Variants in SEC24A observed in about 807,000 individuals in gnomAD.
SEC24A encodes the protein SEC24 homolog A, COPII component.
In SEC24A, 93 loss-of-function variants were observed where a neutral mutation model predicts 129.4. That is an observed-to-expected ratio of 0.72 (90% CI 0.61 to 0.85). The LOEUF (loss-of-function observed/expected upper bound fraction) is 0.85, where lower values mean the gene tolerates loss of function less well. SEC24A is among the 40% of genes least tolerant of loss of function. SEC24A has a pLI of 0.00. For missense variants in SEC24A, 1,264 were observed against 1,307.4 expected (o/e 0.97, Z 0.51); for synonymous variants, 460 against 467.3 (o/e 0.98, Z 0.20).
At chr5:134,716,879 T>A (rs1423912057) in intron 19 of SEC24A, among the ~76,000 whole-genome samples, 4 of 151,018 alleles carry the variant, frequency 2.6e-5, no homozygotes, top group Non-Finnish European at 5.9e-5. Context: ...GTAACTTTTT[T>A]ACTTTTTTTT....
rs1195103049 is a variant in SEC24A, at chr5:134,705,098, T to A, written c.2441-229T>A. Reference sequence around the variant, plus strand: ...TATATATATATATATATATTTTTTTTTTTTTAATTAATTTATTTTTTTTTA... The same window carrying A: ...TATATATATATATATATATTTTTTTATTTTTAATTAATTTATTTTTTTTTA... On this transcript the variant is annotated intron_variant, in intron 16 of 22. Coordinates refer to ENST00000398844, the MANE Select transcript of SEC24A (RefSeq NM_021982.3). Among the ~76,000 whole-genome samples, 9 of 143,976 alleles carry A rather than the reference T, an allele frequency of 6.3e-5. No homozygotes were observed. The South Asian group carries it at 6.4e-4, about 10-fold the overall frequency. The allele number at this position is 143,976 out of a possible 152,430, so 94.5% of individuals were successfully genotyped here.
intron 9 of SEC24A, among the ~76,000 whole-genome samples, chr5:134,684,338 C>G (rs140750766): frequency 6.7e-6 from 1 of 149,076 alleles, no homozygotes; most frequent in Non-Finnish European, 1.5e-5. Context: ...ATTTTTGTGT[C>G]TTTATCTGGG....
intron 1 of SEC24A, among the ~76,000 whole-genome samples, chr5:134,657,732 A>G (rs1008119906): frequency 6.6e-6 from 1 of 152,066 alleles, no homozygotes; most frequent in Non-Finnish European, 1.5e-5. Context: ...ACGTGCCACC[A>G]CAACTGGCTA....
intron 1 of SEC24A, among the ~76,000 whole-genome samples, chr5:134,653,238 C>A (rs939296995): frequency 6.6e-6 from 1 of 151,778 alleles, no homozygotes; most frequent in Non-Finnish European, 1.5e-5. Context: ...CATACCCGTT[C>A]CAGTTTCGTT....
At position 134,685,220 on chromosome 5, in the gene SEC24A, G is replaced by A. The variant is rs78960840; in HGVS notation, c.1492-1570G>A. On this transcript the variant is annotated intron_variant, in intron 9 of 22. Transcript: ENST00000398844. ...CCCAAGTCTCTGCAAAAAATTTCAG[G>A]AATTGTGGTGTGTGCTTATAGTCCC... is the stretch of plus-strand genomic sequence containing the variant. Among the ~76,000 whole-genome samples the A allele has an allele frequency of 8.4e-3, 1,275 of 152,102 alleles. 19 individuals carry two copies. Among genetic ancestry groups the A allele is most frequent in the African/African-American group, 0.028 (1,164 of 41,498 alleles).
intron 12 of SEC24A, chr5:134,693,042 G>T: frequency 6.5e-7 from 1 of 1,535,852 alleles, no homozygotes; most frequent in Non-Finnish European, 8.7e-7. Flanking sequence ...GTGTCATTGG[G>T]GTCAGTTCAG....
chr5:134,671,110 T>C (rs1330223630), intron 3 of SEC24A, among the ~76,000 whole-genome samples: 1 of 152,068 alleles, frequency 6.6e-6, no homozygotes. Context: ...AGTGGCACGA[T>C]TTTGGCTCAC....
At chr5:134,722,038 C>T (rs749792040) in intron 21 of SEC24A, among the ~76,000 whole-genome samples, 6 of 152,072 alleles carry the variant, frequency 3.9e-5, no homozygotes, top group Non-Finnish European at 7.4e-5. Flanking sequence ...TAATTCTTGA[C>T]GTCATGCTAA....
rs140692782 is a variant in SEC24A, at chr5:134,679,105, C to G, written c.1255-497C>G. Among the ~76,000 whole-genome samples, 507 of 151,726 alleles carry G rather than the reference C, an allele frequency of 3.3e-3. 4 individuals are homozygous for G. Among genetic ancestry groups the G allele is most frequent in the African/African-American group, 0.012 (485 of 41,348 alleles). The stretch of plus-strand genomic sequence containing the variant: ...TTTTATTTTATTTTATTTTTTGAGA[C>G]TGGGTCTTGCTCTGTTGCCCATGTT... On this transcript the variant is annotated intron_variant, in intron 7 of 22. Transcript: ENST00000398844.
At chr5:134,705,090 A>ATATATATATATATATATATATATTT (rs1180461537) in intron 16 of SEC24A, among the ~76,000 whole-genome samples, 11 of 123,276 alleles carry the variant, frequency 8.9e-5, no homozygotes, top group South Asian at 2.5e-4. Context: ...ATATATATAT[A>ATATATATATATATATATATATATTT]TTTTTTTTTT....
rs145907180 is a variant in SEC24A, at chr5:134,679,356, C to T, written c.1255-246C>T. Among the ~76,000 whole-genome samples, 507 of 152,192 alleles carry T rather than the reference C, an allele frequency of 3.3e-3. 4 individuals are homozygous for T. Among genetic ancestry groups the T allele is most frequent in the African/African-American group, 0.012 (485 of 41,526 alleles). ...TACACATGTGAGCCACTGTCCCCAG[C>T]CAATAATTTTTTTTTTTAAGACAAC... On this transcript the variant is annotated intron_variant, in intron 7 of 22. Transcript: ENST00000398844.
intron 4 of SEC24A, among the ~76,000 whole-genome samples, chr5:134,672,426 GA>G (rs1750898565): frequency 6.6e-6 from 1 of 152,036 alleles, no homozygotes; most frequent in Admixed American, 6.6e-5. Flanking sequence ...GACCTCAAGT[GA>G]TCTGCCCGCC....
At chr5:134,662,383 T>G (rs933959827) in intron 2 of SEC24A, among the ~76,000 whole-genome samples, 2 of 152,084 alleles carry the variant, frequency 1.3e-5, no homozygotes, top group Non-Finnish European at 2.9e-5. Flanking sequence ...CTCGATCTCC[T>G]GACCTCGTGA....
At chr5:134,699,188 C>T (rs576658211) in intron 15 of SEC24A, among the ~76,000 whole-genome samples, 62 of 152,246 alleles carry the variant, frequency 4.1e-4, no homozygotes, top group African/African-American at 1.3e-3. Context: ...CCTTAGCCTC[C>T]CAAAGTGTTA....
chr5:134,654,788 C>G (rs1750184376), intron 1 of SEC24A, among the ~76,000 whole-genome samples: 1 of 152,176 alleles, frequency 6.6e-6, no homozygotes, highest in Admixed American at 6.6e-5. Context: ...GCAGTCTTGG[C>G]TCACTGCAGC....
upstream of SEC24A, chr5:134,648,736 G>T (rs960128789): frequency 2.2e-5 from 4 of 181,480 alleles, no homozygotes; most frequent in Non-Finnish European, 4.6e-5. Context: ...CCCGGAGCCG[G>T]AAGTGCCACG....
chr5:134,680,958 G>C (rs1751244722), intron 8 of SEC24A, among the ~76,000 whole-genome samples: 1 of 152,004 alleles, frequency 6.6e-6, no homozygotes, highest in African/African-American at 2.4e-5. Context: ...AATTAGCCGG[G>C]TGTGGTGGCG....
intron 4 of SEC24A, 78 bp from the exon 5 acceptor site, chr5:134,674,535 CAA>C: frequency 7.4e-7 from 1 of 1,351,516 alleles, no homozygotes; most frequent in Non-Finnish European, 1.0e-6. Flanking sequence ...ACCCTTTCTC[CAA>C]AAAAAATGTT....
At chr5:134,724,481 G>A (rs894050974) in intron 22 of SEC24A, among the ~76,000 whole-genome samples, 9 of 152,166 alleles carry the variant, frequency 5.9e-5, no homozygotes, top group South Asian at 2.1e-4. Flanking sequence ...CCAGCTACTC[G>A]GGAGGCTGAG....
Sources: gnomAD v4.1 joint callset for allele counts (sites outside exome capture counted in the v4.1 genomes callset) on GRCh38, gnomAD v4.1.1 for gene constraint, MANE v1.5 for transcripts, NCBI Gene and HGNC (gene_info 2026-07-23, HGNC 2026-07-21) for gene names.